The following ADSS1 variants were observed in gnomAD, a reference collection of about 807,000 sequenced individuals.
ADSS1 encodes adenylosuccinate synthetase isozyme 1.
ADSS1 carries 57 observed loss-of-function variants against 59.1 expected under a neutral mutation model. The observed-to-expected ratio is 0.97, with a 90% CI of 0.78 to 1.20. ADSS1 has a LOEUF of 1.20. Ranked by LOEUF, ADSS1 falls within the 50% of genes most tolerant of loss-of-function variation. ADSS1 has a pLI of 0.00. For missense variants in ADSS1, 603 were observed against 610.3 expected (o/e 0.99, Z 0.13); for synonymous variants, 247 against 249.4 (o/e 0.99, Z 0.09).
At chr14:104,742,187 G>GGCCTGT (rs1595211727) in intron 9 of ADSS1, among the ~76,000 whole-genome samples, 185 bp downstream of exon 9, 2 of 152,362 alleles carry the variant, frequency 1.3e-5, no homozygotes, top group Admixed American at 6.5e-5. Flanking sequence ...CGCTGGGGTG[G>GGCCTGT]GCCTGTTCCC....
At position 104,740,335 on chromosome 14, in the gene ADSS1, CCA is replaced by C. The variant is rs200339947; in HGVS notation, c.477-260_477-259del. Reference sequence around the variant, plus strand: ...GCACATGTGCACACGCCACACAAGCCCACACACCCACGCAAATGCACAAAAGT... The same window carrying C: ...GCACATGTGCACACGCCACACAAGCCCACACCCACGCAAATGCACAAAAGT... On this transcript the variant is annotated intron_variant, in intron 5 of 12. Transcript: ENST00000330877. The surrounding 1 kb of genome is among the most constrained non-coding windows in gnomAD (Gnocchi z 4.8). 3.9e-5 allele frequency among the ~76,000 whole-genome samples: 6 copies of C among 152,140 alleles called. No individual in the cohort carries two copies. The South Asian group carries it at 6.2e-4, about 16-fold the overall frequency.
At chr14:104,730,958 T>TGGGGGGGGG (rs60540767) in intron 1 of ADSS1, among the ~76,000 whole-genome samples, 1 of 32,046 alleles carries the variant, frequency 3.1e-5, no homozygotes. Flanking sequence ...AGGCAGAGAG[T>TGGGGGGGGG]GGGGGGGGGG....
intron 1 of ADSS1, among the ~76,000 whole-genome samples, chr14:104,726,006 C>T (rs1477082708): frequency 7.2e-5 from 11 of 152,206 alleles, no homozygotes; most frequent in Non-Finnish European, 1.2e-4. Flanking sequence ...CCCACAGCCC[C>T]GCTCACTCGC....
chr14:104,729,976 G>A (rs1340583688), intron 1 of ADSS1: 4 of 1,594,980 alleles, frequency 2.5e-6, no homozygotes, highest in Non-Finnish European at 3.4e-6. Context: ...CCCTCAGCTC[G>A]TCCCCAGCTC....
chr14:104,739,522 T>A, intron 4 of ADSS1, 144 bp downstream of exon 4: 3 of 1,036,342 alleles, frequency 2.9e-6, no homozygotes, highest in African/African-American at 1.6e-5. Context: ...TACATTACCC[T>A]TTTCAAAGAG....
At chr14:104,725,801 C>T (rs115867423) in intron 1 of ADSS1, among the ~76,000 whole-genome samples, 7,301 of 152,166 alleles carry the variant, frequency 0.048, 589 homozygotes, top group African/African-American at 0.17. Context: ...CCCTGACCCT[C>T]CTTAGACCTC....
intron 12 of ADSS1, 115 bp downstream of exon 12, chr14:104,746,500 A>G: frequency 7.3e-7 from 1 of 1,371,224 alleles, no homozygotes; most frequent in Admixed American, 2.5e-5. Flanking sequence ...CACCAAGCGA[A>G]TATATTGCAT....
chr14:104,731,302 A>G (rs943119980), intron 1 of ADSS1, among the ~76,000 whole-genome samples: 7 of 152,258 alleles, frequency 4.6e-5, no homozygotes, highest in Admixed American at 2.0e-4. Context: ...TGCAGCTGCT[A>G]CACCTCTAGG....
rs940009758 is a variant in ADSS1, at chr14:104,741,987, C to T, written c.933C>T (p.Pro311=). 4.3e-6 allele frequency: 7 copies of T among 1,612,926 alleles called. No individual in the cohort carries two copies. In the African/African-American group the frequency reaches 9.3e-5, roughly 22 times the overall value. The part of the protein sequence containing the change: ...YTTRVGIGAF[P]TEQINEIGGL... ...CACGTGTGGGCATCGGGGCCTTCCC[C>T]ACCGAGCAGATCAACGTGAGTCCCC... is the stretch of plus-strand genomic sequence containing the variant. Residue 311 remains proline, a synonymous_variant, in exon 9 of 13, where the codon CCC becomes CCT. Coordinates refer to ENST00000330877, the MANE Select transcript of ADSS1 (RefSeq NM_152328.5).
intron 8 of ADSS1, 50 bp downstream of exon 8, chr14:104,741,293 A>C (rs1315012961): frequency 1.3e-6 from 2 of 1,515,514 alleles, no homozygotes; most frequent in African/African-American, 2.8e-5. Flanking sequence ...CCTGCCAGGG[A>C]AGACCCAGCT....
chr14:104,742,409 T>G (rs1891400477), intron 9 of ADSS1, among the ~76,000 whole-genome samples: 1 of 152,234 alleles, frequency 6.6e-6, no homozygotes, highest in South Asian at 2.1e-4. Context: ...TGGGGGGTCC[T>G]CTGTCACAAC....
At chr14:104,725,037 C>T (rs1271085555) in intron 1 of ADSS1, among the ~76,000 whole-genome samples, 1 of 152,156 alleles carries the variant, frequency 6.6e-6, no homozygotes, top group Non-Finnish European at 1.5e-5. Flanking sequence ...GCAATTGGGG[C>T]CGCGCCTGAG....
Position 104,724,263 on chromosome 14 carries a change from A to C in ADSS1, c.-8A>C. On this transcript the variant is annotated 5_prime_UTR_variant, in exon 1 of 13. Coordinates refer to ENST00000330877, the MANE Select transcript of ADSS1 (RefSeq NM_152328.5). ...GCCGGGCCAGCGCAGCGGAAGAGCC[A>C]AGCCAGCATGTCGGGGACCCGAGCC... is the stretch of plus-strand genomic sequence containing the variant. The C allele has an allele frequency of 8.1e-7, 1 of 1,227,332 alleles. No homozygotes were observed. Among genetic ancestry groups the C allele is most frequent in the Non-Finnish European group, 1.0e-6 (1 of 984,060 alleles). The allele number at this position is 1,227,332 out of a possible 1,614,324, so 76.0% of individuals were successfully genotyped here. A position where few individuals can be genotyped will look rare whatever the true frequency, so the allele number is the denominator to read the frequency against.
intron 1 of ADSS1, among the ~76,000 whole-genome samples, chr14:104,729,477 G>A (rs1488348076): frequency 6.6e-6 from 1 of 151,732 alleles, no homozygotes; most frequent in Non-Finnish European, 1.5e-5. Flanking sequence ...GCAGCATGGC[G>A]TCGGCGTGGG....
At chr14:104,746,424 T>C (rs757703693) in intron 12 of ADSS1, 39 bp downstream of exon 12, 1 of 1,587,406 alleles carries the variant, frequency 6.3e-7, no homozygotes, top group East Asian at 2.3e-5. Context: ...CCCTGCACCC[T>C]GGATGCCCCA....
At chr14:104,732,561 CA>C (rs1418129813) in intron 1 of ADSS1, among the ~76,000 whole-genome samples, 1 of 152,226 alleles carries the variant, frequency 6.6e-6, no homozygotes. Context: ...TGGCCTACGA[CA>C]AGCCGCGCCT....
At position 104,729,291 on chromosome 14, in the gene ADSS1, T is replaced by C. The variant is rs1442655537; in HGVS notation, c.192+4829T>C. Among the ~76,000 whole-genome samples the C allele has an allele frequency of 2.0e-5, 3 of 151,856 alleles. No individual in the cohort carries two copies. In the East Asian group the frequency reaches 5.8e-4, roughly 29 times the overall value. Reference sequence around the variant, plus strand: ...GCCCCCAAGCCAGGCAGATGGCAGGTGGCATCCCAAGGATTTAGGGACGGG... The same window carrying C: ...GCCCCCAAGCCAGGCAGATGGCAGGCGGCATCCCAAGGATTTAGGGACGGG... On this transcript the variant is annotated intron_variant, in intron 1 of 12. Coordinates refer to ENST00000330877, the MANE Select transcript of ADSS1 (RefSeq NM_152328.5).
Position 104,741,872 on chromosome 14 carries a change from C to T in ADSS1, c.818C>T (p.Ser273Phe). ...GGGACCTACCCCTTTGTGACTTCAT[C>T]CAACTGCACCGTGGGCGGTGTGTGC... ...DFGTYPFVTS[S>F]NCTVGGVCTG... Residue 273 changes from serine to phenylalanine, a missense_variant, in exon 9 of 13, where the codon TCC becomes TTC. Physicochemically the swap from Ser to Phe is radical, Grantham distance 155. Transcript: ENST00000330877. 1 of 1,613,388 alleles carries T rather than the reference C, an allele frequency of 6.2e-7. No homozygotes were observed. Among genetic ancestry groups the T allele is most frequent in the South Asian group, 1.1e-5 (1 of 91,082 alleles).
intron 1 of ADSS1, chr14:104,729,881 C>T (rs1270025150): frequency 2.7e-6 from 4 of 1,479,328 alleles, no homozygotes; most frequent in East Asian, 2.5e-5. Flanking sequence ...TGGGGAGGAG[C>T]GTGGCGTCGG....
Sources: allele counts gnomAD v4.1 joint callset (sites outside exome capture counted in the v4.1 genomes callset), GRCh38; gene constraint gnomAD v4.1.1; non-coding constraint Gnocchi (gnomAD v3.1); transcripts MANE v1.5; gene names NCBI Gene and HGNC (gene_info 2026-07-23, HGNC 2026-07-21).